MAPDA: variants seen among roughly 807,000 people sequenced by gnomAD.
MAPDA encodes N6-Methyl-AMP deaminase, also known as N6,N6-dimethyl-AMP deaminase.
At chr15:43,340,394 A>G in the MAPDA span, 31 of 1,524,816 alleles carry the variant, frequency 2.0e-5, no homozygotes, top group South Asian at 2.3e-5. Flanking sequence ...TCCTTTTCCT[A>G]TGTGCTTTGA....
the MAPDA span, chr15:43,330,782 G>A: frequency 7.0e-5 from 23 of 330,156 alleles, no homozygotes; most frequent in African/African-American, 4.9e-4. Flanking sequence ...AGGGAAGGCG[G>A]GTTGTCACGT....
At chr15:43,345,354 CAAAA>C in the MAPDA span, among the ~76,000 whole-genome samples, 1 of 35,752 alleles carries the variant, frequency 2.8e-5, no homozygotes, top group East Asian at 8.0e-4. Flanking sequence ...GATTCCATCT[CAAAA>C]AAAAAAAAAA....
the MAPDA span, among the ~76,000 whole-genome samples, chr15:43,334,521 G>C: frequency 6.7e-6 from 1 of 150,062 alleles, no homozygotes; most frequent in Non-Finnish European, 1.5e-5. Context: ...CCAGCTACTT[G>C]GGAAGCTGAG....
the MAPDA span, chr15:43,340,498 G>T: frequency 1.5e-6 from 1 of 648,286 alleles, no homozygotes. Context: ...AACAGTCCAA[G>T]TCCTCTCTCT....
chr15:43,350,238 T>TC, the MAPDA span, among the ~76,000 whole-genome samples: 3 of 151,540 alleles, frequency 2.0e-5, no homozygotes, highest in African/African-American at 7.3e-5. Flanking sequence ...GCTAATTTTT[T>TC]TTTTTTTTTT....
At chr15:43,341,604 T>C in the MAPDA span, among the ~76,000 whole-genome samples, 1 of 151,732 alleles carries the variant, frequency 6.6e-6, no homozygotes, top group Non-Finnish European at 1.5e-5. Context: ...TTTGGGAGGC[T>C]GAGGCAGGAG....
At chr15:43,337,471 C>CCACT in the MAPDA span, among the ~76,000 whole-genome samples, 9 of 152,220 alleles carry the variant, frequency 5.9e-5, no homozygotes, top group Middle Eastern at 3.4e-3. Context: ...ACAAAGGATA[C>CCACT]CACTGTGTTC....
At chr15:43,345,322 T>C in the MAPDA span, among the ~76,000 whole-genome samples, 2 of 136,770 alleles carry the variant, frequency 1.5e-5, no homozygotes, top group East Asian at 2.1e-4. Flanking sequence ...ACCATTGCAC[T>C]CCAGCCTGGG....
At chr15:43,341,669 C>CG in the MAPDA span, among the ~76,000 whole-genome samples, 23 of 151,698 alleles carry the variant, frequency 1.5e-4, no homozygotes, top group African/African-American at 4.9e-4. Context: ...TAAGACCCCC[C>CG]CCACCTCTAT....
the MAPDA span, among the ~76,000 whole-genome samples, chr15:43,331,392 G>C: frequency 6.6e-6 from 1 of 152,196 alleles, no homozygotes; most frequent in East Asian, 1.9e-4. Flanking sequence ...GGGTGTCTGG[G>C]AGTCATCCAT....
chr15:43,349,074 A>G, the MAPDA span: 1 of 1,614,012 alleles, frequency 6.2e-7, no homozygotes. Flanking sequence ...GGTCTTCCAG[A>G]TGACTCTCTG....
At chr15:43,330,353 G>A in the MAPDA span, 145 of 1,603,424 alleles carry the variant, frequency 9.0e-5, no homozygotes, top group Non-Finnish European at 1.2e-4. Context: ...TGCGCGGCGC[G>A]CCGCGCCCGG....
chr15:43,337,275 CAAAAA>C, the MAPDA span, among the ~76,000 whole-genome samples: 3 of 61,974 alleles, frequency 4.8e-5, no homozygotes, highest in East Asian at 4.9e-4. Context: ...GACTCCGTCT[CAAAAA>C]AAAAAAAAAA....
At chr15:43,349,443 A>G in the MAPDA span, 1 of 695,746 alleles carries the variant, frequency 1.4e-6, no homozygotes, top group Admixed American at 5.4e-5. Flanking sequence ...TGATCATTAC[A>G]CACTTGATTG....
At chr15:43,345,534 G>A in the MAPDA span, among the ~76,000 whole-genome samples, 1 of 152,104 alleles carries the variant, frequency 6.6e-6, no homozygotes, top group Non-Finnish European at 1.5e-5. Context: ...GAGAGGCTTA[G>A]AAGATACATT....
the MAPDA span, chr15:43,333,535 A>T: frequency 3.3e-5 from 5 of 152,158 alleles, no homozygotes; most frequent in Non-Finnish European, 7.3e-5. Context: ...ACTATTTATT[A>T]AGCACTTACT....
At chr15:43,350,185 C>T in the MAPDA span, among the ~76,000 whole-genome samples, 8 of 151,898 alleles carry the variant, frequency 5.3e-5, no homozygotes, top group Non-Finnish European at 1.0e-4. Flanking sequence ...CCTTCCCCAG[C>T]CTCCTGAGTA....
At chr15:43,340,110 A>T in the MAPDA span, among the ~76,000 whole-genome samples, 7 of 152,246 alleles carry the variant, frequency 4.6e-5, no homozygotes, top group Admixed American at 4.6e-4. Context: ...TCCATCAGGG[A>T]TGTGACAAAG....
At chr15:43,351,868 A>G in the MAPDA span, 1 of 1,551,702 alleles carries the variant, frequency 6.4e-7, no homozygotes, top group Non-Finnish European at 8.7e-7. Context: ...CATCAACTAC[A>G]TCTTTGCTTC....
Sources: allele counts gnomAD v4.1 joint callset (sites outside exome capture counted in the v4.1 genomes callset), GRCh38; gene constraint gnomAD v4.1.1; transcripts MANE v1.5; gene names NCBI Gene and HGNC (gene_info 2026-07-23, HGNC 2026-07-21).